Variants in FLT4 observed in about 807,000 individuals in gnomAD.
FLT4 encodes the protein vascular endothelial growth factor receptor 3.
Under a neutral mutation model 163.2 loss-of-function variants are expected in FLT4, and 30 were observed. That is an observed-to-expected ratio of 0.18 (90% CI 0.14 to 0.25). The LOEUF is 0.25. Among genes scored for constraint, FLT4 ranks in the 10% least tolerant of loss-of-function variants. FLT4 has a pLI of 1.00. For synonymous variants in FLT4, 884 were observed against 789.5 expected (o/e 1.12, Z -2.01); for missense variants, 1,510 against 1,863.8 (o/e 0.81, Z 3.50).
At position 180,618,763 on chromosome 5, in the gene FLT4, C is replaced by T. The variant is rs1270612471; in HGVS notation, c.3001+7G>A. ...CACTAGGAAAAGGGAAGAGGCCAGG[C>T]TCTCACCTTCTTGGTCTGGAGAAGC... On this transcript the variant is annotated splice_region_variant and intron_variant, in intron 21 of 29. Coordinates refer to ENST00000261937, the MANE Select transcript of FLT4 (RefSeq NM_182925.5). The T allele has an allele frequency of 6.3e-7, 1 of 1,585,082 alleles. No individual in the cohort carries two copies.
chr5:180,630,707 T>C lies in FLT4; in HGVS notation c.248A>G (p.Asp83Gly). The stretch of plus-strand genomic sequence containing the variant: ...GGGCCTGGCGTCTGTGCCCTCGCAG[T>C]CTCGCACCACCCCCGTGTCCTCGCT... Reference protein sequence around the residue: ...KDSEDTGVVRDCEGTDARPYC... With the variant: ...KDSEDTGVVRGCEGTDARPYC... Residue 83 changes from aspartate to glycine, a missense_variant, in exon 3 of 30, where the codon GAC becomes GGC. Physicochemically the swap from Asp to Gly is moderately conservative, Grantham distance 94. Transcript: ENST00000261937. The surrounding 1 kb of genome is among the most constrained non-coding windows in gnomAD (Gnocchi z 6.3). The C allele has an allele frequency of 6.2e-7, 1 of 1,612,540 alleles. No homozygotes were observed.
At chr5:180,632,553 T>C (rs1764262487) in intron 1 of FLT4, among the ~76,000 whole-genome samples, 2 of 152,144 alleles carry the variant, frequency 1.3e-5, no homozygotes, top group South Asian at 4.1e-4. Flanking sequence ...CCTTCTGTCC[T>C]GCAGGACTCA....
Position 180,630,093 on chromosome 5 carries a change from G to C in FLT4, c.526C>G (p.Leu176Val). The C allele has an allele frequency of 6.2e-7, 1 of 1,606,880 alleles. No homozygotes were observed. Among genetic ancestry groups the C allele is most frequent in the Non-Finnish European group, 8.5e-7 (1 of 1,177,128 alleles). The change falls in exon 5 of 30, where the codon CTG becomes GTG. Residue 176 changes from leucine to valine, a missense_variant. Physicochemically the swap from Leu to Val is conservative, Grantham distance 32. Coordinates refer to ENST00000261937, the MANE Select transcript of FLT4 (RefSeq NM_182925.5). This position sits in a 1 kb window ranked among gnomAD's most constrained non-coding sequence, Gnocchi z 6.3. ...ACCACCTCCTGCCCGTCTGGCCACAGCACCGAGCTTTGCTGGAGGGACAAG... is the reference window on the plus strand; with the variant it reads ...ACCACCTCCTGCCCGTCTGGCCACACCACCGAGCTTTGCTGGAGGGACAAG... ...NVTLRSQSSV[L>V]WPDGQEVVWD...
At position 180,623,906 on chromosome 5, in the gene FLT4, G is replaced by C. The variant is rs760694860; in HGVS notation, c.1548+29C>G. The C allele has an allele frequency of 6.2e-7, 1 of 1,612,856 alleles. No individual in the cohort carries two copies. Among genetic ancestry groups the C allele is most frequent in the Non-Finnish European group, 8.5e-7 (1 of 1,179,536 alleles). On this transcript the variant is annotated intron_variant, in intron 11 of 29. Coordinates refer to ENST00000261937, the MANE Select transcript of FLT4 (RefSeq NM_182925.5). This position sits in a 1 kb window ranked among gnomAD's most constrained non-coding sequence, Gnocchi z 5.8. Reference sequence around the variant, plus strand: ...TCTCTCCTCCCTTCTCCTTCTCCCTGGGCACTCAGCAGCGCGGCTGGCCTG... The same window carrying C: ...TCTCTCCTCCCTTCTCCTTCTCCCTCGGCACTCAGCAGCGCGGCTGGCCTG...
In FLT4 at chr5:180,611,711, C is replaced by T. The variant is rs77067564; in HGVS notation, c.3538-232G>A. ...AGGGCCCTAACAGACCATGCGGGCA[C>T]GTGAGTGCTCCACAGAGGAAACGAG... On this transcript the variant is annotated intron_variant, in intron 26 of 29. Transcript: ENST00000261937. 0.012 allele frequency: 7,370 copies of T among 595,966 alleles called. 438 individuals carry two copies. Among genetic ancestry groups the T allele is most frequent in the African/African-American group, 0.12 (6,600 of 54,032 alleles). The allele number at this position is 595,966 out of a possible 1,614,324, so 36.9% of individuals were successfully genotyped here.
chr5:180,629,527 G>A (rs1763921133), intron 6 of FLT4, 100 bp from the exon 7 acceptor site: 2 of 1,513,704 alleles, frequency 1.3e-6, no homozygotes, highest in African/African-American at 1.4e-5. Context: ...GGCTCCGGAA[G>A]CCCTGGACCC....
At chr5:180,624,503 C>T (rs1763447727) in intron 10 of FLT4, among the ~76,000 whole-genome samples, 1 of 152,172 alleles carries the variant, frequency 6.6e-6, no homozygotes, top group Non-Finnish European at 1.5e-5. Context: ...GCTGGGATTA[C>T]AGGCGTGAGC....
intron 23 of FLT4, among the ~76,000 whole-genome samples, chr5:180,614,939 C>T (rs1027047902): frequency 1.3e-5 from 2 of 152,162 alleles, no homozygotes; most frequent in Non-Finnish European, 2.9e-5. Flanking sequence ...CACCTGCTGC[C>T]CTGCCTGAGC....
At chr5:180,624,299 T>A (rs1763425607) in intron 10 of FLT4, among the ~76,000 whole-genome samples, 1 of 151,012 alleles carries the variant, frequency 6.6e-6, no homozygotes, top group Non-Finnish European at 1.5e-5. Flanking sequence ...CAATCTCAGC[T>A]CACCGAAACC....
intron 12 of FLT4, 38 bp from the exon 13 acceptor site, chr5:180,621,942 G>A (rs1229913387): frequency 1.9e-6 from 3 of 1,610,694 alleles, no homozygotes; most frequent in African/African-American, 2.7e-5. Flanking sequence ...CACTGCCCTG[G>A]GAGTTTGCTC....
chr5:180,619,002 C>CCGCAGGCCGCCCGCTCACCG lies in FLT4; in HGVS notation c.2849_2850+18dup. 6.5e-7 allele frequency: 1 copy of CCGCAGGCCGCCCGCTCACCG among 1,547,296 alleles called. No homozygotes were observed. On this transcript the variant is annotated intron_variant, in intron 20 of 29. Transcript: ENST00000261937. ...CCATTCCCCCGCCGCCCGCGGCGCC[C>CCGCAGGCCGCCCGCTCACCG]CGCAGGCCGCCCGCTCACCGCGCAG... is the stretch of plus-strand genomic sequence containing the variant.
chr5:180,620,194 G>T lies in FLT4; in HGVS notation c.2521C>A (p.Pro841Thr). 1 of 1,609,308 alleles carries T rather than the reference G, an allele frequency of 6.2e-7. No individual in the cohort carries two copies. The highest frequency in any genetic ancestry group is 8.5e-7 in the Non-Finnish European group (1 of 1,179,874). ...TCACCCAGGTGCAGCCGCTCTCGGG[G>T]GAATTCCCACTGGCTGGCATCGTAG... is the stretch of plus-strand genomic sequence containing the variant. Reference protein sequence around the residue: ...LSYDASQWEFPRERLHLGRVL... With the variant: ...LSYDASQWEFTRERLHLGRVL... Residue 841 changes from proline (P) to threonine (T), a missense_variant, in exon 17 of 30, where the codon CCC becomes ACC. Physicochemically the swap from Pro to Thr is conservative, Grantham distance 38. Coordinates refer to ENST00000261937, the MANE Select transcript of FLT4 (RefSeq NM_182925.5). This position sits in a 1 kb window ranked among gnomAD's most constrained non-coding sequence, Gnocchi z 4.4.
chr5:180,624,227 G>GTTTTT (rs397737232), intron 10 of FLT4, among the ~76,000 whole-genome samples, 166 bp from the exon 11 acceptor site: 2 of 135,066 alleles, frequency 1.5e-5, no homozygotes, highest in East Asian at 4.5e-4. Context: ...GGACTTTGGT[G>GTTTTT]TTTTTTTTTT....
upstream of FLT4, chr5:180,649,640 G>A (rs960872523): frequency 2.8e-5 from 15 of 533,320 alleles, no homozygotes; most frequent in Non-Finnish European, 3.3e-5. Flanking sequence ...GGGGCGGGGC[G>A]GGGCGGGGGC....
At chr5:180,634,600 C>T (rs902921426) in intron 1 of FLT4, among the ~76,000 whole-genome samples, 8 of 140,528 alleles carry the variant, frequency 5.7e-5, no homozygotes, top group Non-Finnish European at 9.0e-5. Context: ...GAGGCTGAGG[C>T]GGGAGAATGG....
At chr5:180,618,713 A>G in intron 21 of FLT4, 57 bp downstream of exon 21, 1 of 1,268,244 alleles carries the variant, frequency 7.9e-7, no homozygotes, top group East Asian at 2.7e-5. Flanking sequence ...GTGCCTGATC[A>G]CGGGATATAA....
In FLT4 at chr5:180,613,016, G is replaced by C; in HGVS notation, c.3426C>G (p.Pro1142=). The C allele has an allele frequency of 1.2e-6, 2 of 1,611,332 alleles. No individual in the cohort carries two copies. Among genetic ancestry groups the C allele is most frequent in the Non-Finnish European group, 1.7e-6 (2 of 1,178,156 alleles). The change falls in exon 25 of 30, where the codon CCC becomes CCG. Residue 1142 remains proline (P), a synonymous_variant. Transcript: ENST00000261937. ...AGGGCCATGGGGAGGCTCACATGGCGGGAGTGGCCAGCTCCGGGGCCCTCA... is the reference window on the plus strand; with the variant it reads ...AGGGCCATGGGGAGGCTCACATGGCCGGAGTGGCCAGCTCCGGGGCCCTCA... The part of the protein sequence containing the change: ...TRMRAPELAT[P]AIRRIMLNCW...
rs1203246559 is a variant in FLT4, at chr5:180,609,577, C to T, written c.3807+328G>A. 7.6e-6 allele frequency: 3 copies of T among 396,540 alleles called. No homozygotes were observed. The East Asian group carries it at 1.6e-4, about 21-fold the overall frequency. The allele number at this position is 396,540 out of a possible 1,614,324, so 24.6% of individuals were successfully genotyped here. On this transcript the variant is annotated intron_variant, in intron 28 of 29. Transcript: ENST00000261937. Reference sequence around the variant, plus strand: ...GTCCCTGTGGTCTGGCCAAGGGCTCCCATGGGGCCCCTCTGCCCAGCGCTC... The same window carrying T: ...GTCCCTGTGGTCTGGCCAAGGGCTCTCATGGGGCCCCTCTGCCCAGCGCTC...
intron 1 of FLT4, among the ~76,000 whole-genome samples, chr5:180,632,824 G>A (rs77811888): frequency 0.029 from 4,361 of 152,248 alleles, 89 homozygotes; most frequent in Non-Finnish European, 0.042. Context: ...GTGTGGGTGG[G>A]AGCAGGCCCC....
Sources: allele counts gnomAD v4.1 joint callset (sites outside exome capture counted in the v4.1 genomes callset), GRCh38; gene constraint gnomAD v4.1.1; non-coding constraint Gnocchi (gnomAD v3.1); transcripts MANE v1.5; gene names NCBI Gene and HGNC (gene_info 2026-07-23, HGNC 2026-07-21).